KLF12: variants seen among roughly 807,000 people sequenced by gnomAD.
KLF12 encodes KLF transcription factor 12.
Under a neutral mutation model 37.8 loss-of-function variants are expected in KLF12, and 9 were observed. The ratio of observed to expected loss-of-function variants is 0.24; its 90% CI spans 0.14 to 0.42. KLF12 has a LOEUF of 0.42. Among genes scored for constraint, KLF12 ranks in the 10% least tolerant of loss-of-function variants. The probability of loss-of-function intolerance (pLI) is 1.00; values close to 1 mark genes in which losing one functional copy is unlikely to be tolerated. For missense variants in KLF12, 411 were observed against 516.0 expected, an observed-to-expected ratio of 0.80 and a Z score of 1.97; for synonymous variants, 208 against 202.1, an observed-to-expected ratio of 1.03 and a Z score of -0.25.
At chr13:74,213,962 T>A in the KLF12 span, among the ~76,000 whole-genome samples, 1 of 152,172 alleles carries the variant, frequency 6.6e-6, no homozygotes, top group African/African-American at 2.4e-5. Context: ...TACCTATTGT[T>A]TTAATATAAT....
Position 73,752,962 on chromosome 13 carries a change from C to T in KLF12, c.869+11976G>A, listed in dbSNP as rs142981393. Among the ~76,000 whole-genome samples the T allele has an allele frequency of 3.2e-3, 491 of 151,808 alleles. 3 individuals are homozygous for T. Among genetic ancestry groups the T allele is most frequent in the African/African-American group, 1.0e-2 (412 of 41,376 alleles). On this transcript the variant is annotated intron_variant, in intron 6 of 7. Coordinates refer to ENST00000377669, the MANE Select transcript of KLF12 (RefSeq NM_007249.5). ...AGAGATGGGGTTTCACTGTATTGACCAGGCTGGTCTCTTACTCCTGACCTT... is the reference window on the plus strand; with the variant it reads ...AGAGATGGGGTTTCACTGTATTGACTAGGCTGGTCTCTTACTCCTGACCTT...
chr13:74,186,141 C>T, the KLF12 span, among the ~76,000 whole-genome samples: 1 of 152,016 alleles, frequency 6.6e-6, no homozygotes, highest in Non-Finnish European at 1.5e-5. Context: ...CAGAAAAAAA[C>T]ACAACAAATA....
At chr13:74,190,585 G>C in the KLF12 span, among the ~76,000 whole-genome samples, 2 of 152,010 alleles carry the variant, frequency 1.3e-5, no homozygotes, top group African/African-American at 4.8e-5. Flanking sequence ...ATATCCTCTT[G>C]GTTTCTAATC....
At chr13:73,696,568 A>G (rs1874169053) in intron 7 of KLF12, among the ~76,000 whole-genome samples, 1 of 152,178 alleles carries the variant, frequency 6.6e-6, no homozygotes, top group Admixed American at 6.5e-5. Flanking sequence ...GCAACCCCAC[A>G]AAAACTGATC....
At chr13:73,880,960 T>G (rs1469967523) in intron 3 of KLF12, among the ~76,000 whole-genome samples, 11 of 152,222 alleles carry the variant, frequency 7.2e-5, no homozygotes. Context: ...CACCTACTTT[T>G]AAGTAAGTCT....
chr13:73,706,227 C>G (rs1874938528), intron 7 of KLF12, among the ~76,000 whole-genome samples: 1 of 152,064 alleles, frequency 6.6e-6, no homozygotes, highest in African/African-American at 2.4e-5. Context: ...AATTTATATG[C>G]TAACACAAAC....
chr13:73,824,631 G>C (rs1316790484), intron 4 of KLF12, among the ~76,000 whole-genome samples: 1 of 152,008 alleles, frequency 6.6e-6, no homozygotes, highest in Non-Finnish European at 1.5e-5. Flanking sequence ...ATTTGTTCAT[G>C]TCCTCATCTT....
At chr13:73,732,773 A>G (rs1877165064) in intron 6 of KLF12, among the ~76,000 whole-genome samples, 1 of 151,778 alleles carries the variant, frequency 6.6e-6, no homozygotes, top group Non-Finnish European at 1.5e-5. Flanking sequence ...CCCTTCCCTG[A>G]GCTCCAGACT....
At chr13:74,109,615 G>A (rs1313611821) in intron 1 of KLF12, among the ~76,000 whole-genome samples, 3 of 152,108 alleles carry the variant, frequency 2.0e-5, no homozygotes, top group Non-Finnish European at 4.4e-5. Context: ...ATTGTAAGAT[G>A]TCCAAAAGCA....
At chr13:73,696,748 A>G (rs892470423) in intron 7 of KLF12, among the ~76,000 whole-genome samples, 1 of 152,230 alleles carries the variant, frequency 6.6e-6, no homozygotes, top group Non-Finnish European at 1.5e-5. Flanking sequence ...CTGAGGCTTC[A>G]GGTAGTAACA....
rs555378686 is a variant in KLF12 at position 74,095,168 on chromosome 13, C to T, written c.-32+38571G>A. ...ACTGAAAAGTTCACATTTTTCAAGT[C>T]TCCAGACAAAACAAAGATCAGTCAT... On this transcript the variant is annotated intron_variant, in intron 1 of 7. Transcript: ENST00000377669. Among the ~76,000 whole-genome samples, 3 of 152,194 alleles carry T rather than the reference C, an allele frequency of 2.0e-5. No homozygotes were observed. The South Asian group carries it at 6.2e-4, about 32-fold the overall frequency.
At chr13:73,866,147 C>T (rs1228635027) in intron 3 of KLF12, among the ~76,000 whole-genome samples, 2 of 151,998 alleles carry the variant, frequency 1.3e-5, no homozygotes, top group Non-Finnish European at 2.9e-5. Context: ...TCCAGCTACT[C>T]GGGAGGCTGA....
At chr13:73,738,111 A>ATG (rs1877630586) in intron 6 of KLF12, among the ~76,000 whole-genome samples, 4 of 68,432 alleles carry the variant, frequency 5.8e-5, no homozygotes, top group African/African-American at 3.8e-4. Context: ...ATATATATAT[A>ATG]TATATATATA....
chr13:73,716,220 C>G (rs1393274164), intron 6 of KLF12, among the ~76,000 whole-genome samples: 2 of 152,150 alleles, frequency 1.3e-5, no homozygotes, highest in Non-Finnish European at 2.9e-5. Context: ...ATTGTTTAAT[C>G]TGAATGCCCC....
chr13:74,135,652 A>AGT (rs1878526989), upstream of KLF12, among the ~76,000 whole-genome samples: 2 of 151,568 alleles, frequency 1.3e-5, no homozygotes, highest in East Asian at 3.9e-4. Flanking sequence ...CCTCCTCACC[A>AGT]TCCTAGGTGA....
the KLF12 span, among the ~76,000 whole-genome samples, chr13:74,228,444 A>G: frequency 1.1e-4 from 17 of 152,290 alleles, no homozygotes; most frequent in African/African-American, 4.1e-4. Context: ...AATATTACAT[A>G]TTCATAAGAT....
intron 1 of KLF12, among the ~76,000 whole-genome samples, chr13:74,049,912 G>A (rs1248944868): frequency 6.6e-6 from 1 of 152,192 alleles, no homozygotes; most frequent in Non-Finnish European, 1.5e-5. Context: ...ACTGTTGCTT[G>A]CCATCTGAAC....
chr13:74,110,133 T>C lies in KLF12; in HGVS notation c.-32+23606A>G, dbSNP rs116593107. Among the ~76,000 whole-genome samples, 144 of 152,316 alleles carry C rather than the reference T, an allele frequency of 9.5e-4. 1 individual carries two copies. The highest frequency in any genetic ancestry group is 3.3e-3 in the African/African-American group (138 of 41,578). On this transcript the variant is annotated intron_variant, in intron 1 of 7. Coordinates refer to ENST00000377669, the MANE Select transcript of KLF12 (RefSeq NM_007249.5). ...CATGTTTCTCTGTAGGCTTAAGTCTTTGAAAGCACTATTTCCAAAGAAAGC... is the reference window on the plus strand; with the variant it reads ...CATGTTTCTCTGTAGGCTTAAGTCTCTGAAAGCACTATTTCCAAAGAAAGC...
intron 6 of KLF12, among the ~76,000 whole-genome samples, chr13:73,741,959 A>T (rs1484587926): frequency 6.6e-6 from 1 of 152,174 alleles, no homozygotes; most frequent in Non-Finnish European, 1.5e-5. Context: ...TGCATACAAC[A>T]AAGATCACCA....
Sources: allele counts gnomAD v4.1 joint callset (sites outside exome capture counted in the v4.1 genomes callset), GRCh38; gene constraint gnomAD v4.1.1; transcripts MANE v1.5; gene names NCBI Gene and HGNC (gene_info 2026-07-23, HGNC 2026-07-21).